The following NCAM2 variants were observed in gnomAD, a reference collection of about 807,000 sequenced individuals.
NCAM2 encodes N-CAM-2.
A neutral mutation model predicts 98.1 loss-of-function variants in NCAM2; 30 were observed. That is an observed-to-expected ratio of 0.31 (90% CI 0.23 to 0.41). The LOEUF is 0.41. Among genes scored for constraint, NCAM2 ranks in the 10% least tolerant of loss-of-function variants. The pLI, the probability that NCAM2 is intolerant of heterozygous loss-of-function variation, is 1.00. For missense variants in NCAM2, 867 were observed against 1,005.8 expected (o/e 0.86, Z 1.87); for synonymous variants, 368 against 342.4 (o/e 1.07, Z -0.83).
intron 1 of NCAM2, among the ~76,000 whole-genome samples, chr21:21,206,709 A>G (rs2147058139): frequency 6.6e-6 from 1 of 152,292 alleles, no homozygotes; most frequent in Middle Eastern, 3.4e-3. Flanking sequence ...TTAGGAATGT[A>G]GGATATCTTA....
intron 15 of NCAM2, among the ~76,000 whole-genome samples, chr21:21,486,510 T>C (rs1216034038): frequency 1.3e-5 from 2 of 152,152 alleles, no homozygotes; most frequent in African/African-American, 4.8e-5. Context: ...AGAGTTTATA[T>C]TGGTTACTAA....
intron 9 of NCAM2, among the ~76,000 whole-genome samples, chr21:21,397,491 G>A (rs1415905364): frequency 6.6e-6 from 1 of 152,164 alleles, no homozygotes; most frequent in Non-Finnish European, 1.5e-5. Flanking sequence ...CAGGGGTCTG[G>A]TGTGTCAGCA....
intron 17 of NCAM2, 113 bp from the exon 18 acceptor site, chr21:21,537,733 A>C (rs988800886): frequency 8.3e-6 from 4 of 484,516 alleles, no homozygotes; most frequent in African/African-American, 6.0e-5. Flanking sequence ...AGCATATATA[A>C]AATGTTAGCA....
At chr21:21,311,224 A>G (rs1346867838) in intron 5 of NCAM2, among the ~76,000 whole-genome samples, 2 of 151,730 alleles carry the variant, frequency 1.3e-5, no homozygotes, top group Admixed American at 6.6e-5. Context: ...CATGGTATAT[A>G]TTTTTGTTGT....
chr21:21,279,198 A>T (rs1351981594), intron 1 of NCAM2, among the ~76,000 whole-genome samples: 2 of 152,170 alleles, frequency 1.3e-5, no homozygotes, highest in South Asian at 4.1e-4. Flanking sequence ...CAAACATGGG[A>T]TATGGCAAAA....
At chr21:21,381,569 A>G (rs1023879299) in intron 9 of NCAM2, among the ~76,000 whole-genome samples, 13 of 152,246 alleles carry the variant, frequency 8.5e-5, no homozygotes, top group African/African-American at 3.1e-4. Flanking sequence ...TACATTTTCA[A>G]AGTTTCCTTG....
chr21:21,114,911 C>G (rs572710969), intron 1 of NCAM2, among the ~76,000 whole-genome samples: 1 of 152,006 alleles, frequency 6.6e-6, no homozygotes, highest in East Asian at 1.9e-4. Context: ...AGCTCTGCCT[C>G]CTGGGTTCAA....
At chr21:21,189,555 G>C (rs558213753) in intron 1 of NCAM2, among the ~76,000 whole-genome samples, 2 of 151,986 alleles carry the variant, frequency 1.3e-5, no homozygotes, top group African/African-American at 4.8e-5. Flanking sequence ...GCAAGACCTC[G>C]TCTCTATTTA....
chr21:20,998,414 G>A lies in NCAM2; in HGVS notation c.-150G>A. 1.6e-6 allele frequency: 1 copy of A among 619,630 alleles called. No individual in the cohort carries two copies. Among genetic ancestry groups the A allele is most frequent in the Non-Finnish European group, 2.7e-6 (1 of 365,250 alleles). The allele number at this position is 619,630 out of a possible 1,614,324, so 38.4% of individuals were successfully genotyped here. A position where few individuals can be genotyped will look rare whatever the true frequency, so the allele number is the denominator to read the frequency against. On this transcript the variant is annotated 5_prime_UTR_variant, in exon 1 of 18. Transcript: ENST00000400546. ...CAAGAGCGGAGCTTGCAGTCACTTT[G>A]CGAGGAGGAGCGCGCGGGCTGCGGG...
intron 1 of NCAM2, among the ~76,000 whole-genome samples, chr21:21,073,004 CT>C (rs2065604945): frequency 6.6e-6 from 1 of 152,114 alleles, no homozygotes; most frequent in African/African-American, 2.4e-5. Context: ...CAGTCCCTAT[CT>C]CCAGTGTACT....
At chr21:21,021,693 A>T (rs922899025) in intron 1 of NCAM2, among the ~76,000 whole-genome samples, 1 of 152,156 alleles carries the variant, frequency 6.6e-6, no homozygotes, top group Non-Finnish European at 1.5e-5. Context: ...TTATAAACCC[A>T]AGCTCAAGCC....
At chr21:21,041,986 GA>G (rs1404270575) in intron 1 of NCAM2, among the ~76,000 whole-genome samples, 1 of 152,182 alleles carries the variant, frequency 6.6e-6, no homozygotes, top group African/African-American at 2.4e-5. Context: ...CAGGTTGAAT[GA>G]CGATGCCAAC....
chr21:21,352,278 T>G (rs76284411), intron 8 of NCAM2, among the ~76,000 whole-genome samples: 27,078 of 151,544 alleles, frequency 0.18, 2,722 homozygotes, highest in South Asian at 0.25. Flanking sequence ...GCTGTTGTTG[T>G]TGGTGGTGGT....
rs933073188 is a variant in NCAM2 at position 21,027,920 on chromosome 21, G to A, written c.55+29302G>A. 4.0e-5 allele frequency among the ~76,000 whole-genome samples: 6 copies of A among 150,712 alleles called. No homozygotes were observed. In the East Asian group the frequency reaches 7.8e-4, roughly 20 times the overall value. On this transcript the variant is annotated intron_variant, in intron 1 of 17. Coordinates refer to ENST00000400546, the MANE Select transcript of NCAM2 (RefSeq NM_004540.5). ...TGCCCAGGCTGGAGTGCGGTGGCACGATCTCGGCTCGCTGCAACCTCCGCC... is the reference window on the plus strand; with the variant it reads ...TGCCCAGGCTGGAGTGCGGTGGCACAATCTCGGCTCGCTGCAACCTCCGCC...
chr21:21,501,025 C>T (rs1464110663), intron 15 of NCAM2, among the ~76,000 whole-genome samples: 3 of 152,020 alleles, frequency 2.0e-5, no homozygotes, highest in Admixed American at 2.0e-4. Context: ...CTATTTTGCT[C>T]ACCTAGTCTA....
intron 9 of NCAM2, chr21:21,385,837 T>TC: frequency 6.1e-6 from 1 of 164,414 alleles, no homozygotes; most frequent in Non-Finnish European, 1.3e-5. Flanking sequence ...TTAATTAGAC[T>TC]TAATTATTTT....
intron 13 of NCAM2, among the ~76,000 whole-genome samples, chr21:21,467,428 T>TATATATATATATATCTCTTTA (rs1555902035): frequency 7.1e-6 from 1 of 140,734 alleles, no homozygotes; most frequent in Non-Finnish European, 1.5e-5. Flanking sequence ...ATATATCTTT[T>TATATATATATATATCTCTTTA]TATATATATA....
At chr21:21,356,488 A>AT (rs995058106) in intron 8 of NCAM2, among the ~76,000 whole-genome samples, 1 of 152,162 alleles carries the variant, frequency 6.6e-6, no homozygotes, top group Admixed American at 6.5e-5. Context: ...ATTACATTAT[A>AT]TTTTTTGTTT....
At chr21:21,471,228 C>G (rs1009627793) in intron 14 of NCAM2, among the ~76,000 whole-genome samples, 5 of 151,884 alleles carry the variant, frequency 3.3e-5, no homozygotes, top group African/African-American at 7.3e-5. Flanking sequence ...AGTATGCCTT[C>G]TAGTTTCATC....
Sources: gnomAD v4.1 joint callset for allele counts (sites outside exome capture counted in the v4.1 genomes callset) on GRCh38, gnomAD v4.1.1 for gene constraint, MANE v1.5 for transcripts, NCBI Gene and HGNC (gene_info 2026-07-23, HGNC 2026-07-21) for gene names.